Variants in VWA2 observed in about 807,000 individuals in gnomAD.
VWA2 encodes von Willebrand factor A domain-containing protein 2.
In VWA2, 73 loss-of-function variants were observed where a neutral mutation model predicts 70.4. That is an observed-to-expected ratio of 1.04 (90% confidence interval 0.86 to 1.26). VWA2 has a LOEUF of 1.26. VWA2 is among the 50% of genes most tolerant of loss of function. VWA2 has a pLI of 0.00. For synonymous variants in VWA2, 407 were observed against 423.3 expected (o/e 0.96, Z 0.47); for missense variants, 1,011 against 998.5 (o/e 1.01, Z -0.17).
chr10:114,248,310 C>T (rs2037117138), intron 1 of VWA2, among the ~76,000 whole-genome samples: 1 of 152,098 alleles, frequency 6.6e-6, no homozygotes, highest in Non-Finnish European at 1.5e-5. Context: ...TCTAACTCCT[C>T]ATGAAGAAAT....
intron 7 of VWA2, 25 bp from the exon 8 acceptor site, chr10:114,278,694 G>A (rs1372977589): frequency 6.2e-7 from 1 of 1,612,978 alleles, no homozygotes; most frequent in Non-Finnish European, 8.5e-7. Context: ...TCCTCCGTGG[G>A]TGTGGGTGTG....
At chr10:114,261,607 C>T (rs1458642366) in intron 5 of VWA2, among the ~76,000 whole-genome samples, 1 of 152,190 alleles carries the variant, frequency 6.6e-6, no homozygotes, top group African/African-American at 2.4e-5. Flanking sequence ...ATAGGAGGAA[C>T]ACTGAGTCTT....
intron 5 of VWA2, among the ~76,000 whole-genome samples, chr10:114,268,250 C>A (rs1393904647): frequency 9.1e-6 from 1 of 109,350 alleles, no homozygotes; most frequent in African/African-American, 3.5e-5. Context: ...CACCCCCCAC[C>A]CCCAAAAGTT....
rs2039778477 is a variant in VWA2 at position 114,293,376 on chromosome 10, G to T, written c.*2139G>T. 6.6e-6 allele frequency among the ~76,000 whole-genome samples: 1 copy of T among 152,158 alleles called. No homozygotes were observed. Among genetic ancestry groups the T allele is most frequent in the African/African-American group, 2.4e-5 (1 of 41,432 alleles). On this transcript the variant is annotated 3_prime_UTR_variant, in exon 14 of 14. Coordinates refer to ENST00000392982, the MANE Select transcript of VWA2 (RefSeq NM_001272046.2). ...TGTCTTGTTCCGGGCTGGTATTTGG[G>T]TGCCCTGATTGAATTACTTGGATTT...
At chr10:114,258,745 T>C (rs2037382264) in intron 4 of VWA2, among the ~76,000 whole-genome samples, 1 of 152,226 alleles carries the variant, frequency 6.6e-6, no homozygotes. Flanking sequence ...TCAACTTGTG[T>C]TCTTGAGTCC....
At chr10:114,260,514 G>T (rs2037423077) in intron 4 of VWA2, among the ~76,000 whole-genome samples, 1 of 152,194 alleles carries the variant, frequency 6.6e-6, no homozygotes, top group African/African-American at 2.4e-5. Context: ...ACCGGGTTGT[G>T]GGGTGGCTGT....
At chr10:114,253,501 G>C in intron 2 of VWA2, 150 bp from the exon 3 acceptor site, 1 of 681,166 alleles carries the variant, frequency 1.5e-6, no homozygotes, top group Non-Finnish European at 2.6e-6. Flanking sequence ...TATGTTATCC[G>C]TCTGGTAATT....
At chr10:114,260,183 C>G (rs1484732731) in intron 4 of VWA2, among the ~76,000 whole-genome samples, 1 of 152,148 alleles carries the variant, frequency 6.6e-6, no homozygotes, top group Non-Finnish European at 1.5e-5. Context: ...AGGCCTTGGG[C>G]CCTCGGGAGG....
rs753352965 is a variant in VWA2, at chr10:114,290,224, G to A, written c.2123-16G>A. The A allele has an allele frequency of 2.0e-4, 309 of 1,550,192 alleles. No homozygotes were observed. The highest frequency in any genetic ancestry group is 2.4e-4 in the Non-Finnish European group (274 of 1,146,800). The stretch of plus-strand genomic sequence containing the variant: ...ATGCCTGGCCGGCCTGGTGGGTATG[G>A]TGTTCTCCATTGTAGAAGCCAAGCA... On this transcript the variant is annotated splice_polypyrimidine_tract_variant and intron_variant, in intron 12 of 13. Coordinates refer to ENST00000392982, the MANE Select transcript of VWA2 (RefSeq NM_001272046.2).
intron 1 of VWA2, among the ~76,000 whole-genome samples, chr10:114,247,600 A>AT (rs1027869319): frequency 4.0e-4 from 60 of 151,862 alleles, no homozygotes; most frequent in Non-Finnish European, 5.4e-4. Context: ...CGAAGGGCTT[A>AT]TTTTTTAAAA....
At chr10:114,282,015 A>G (rs1209840319) in intron 8 of VWA2, among the ~76,000 whole-genome samples, 2 of 52,648 alleles carry the variant, frequency 3.8e-5, no homozygotes, top group Admixed American at 1.9e-4. Context: ...AGCTTATGTT[A>G]CCTTTTTTTT....
At chr10:114,247,657 CTA>C (rs1171590981) in intron 1 of VWA2, among the ~76,000 whole-genome samples, 2 of 150,314 alleles carry the variant, frequency 1.3e-5, no homozygotes, top group African/African-American at 4.9e-5. Context: ...ATGCAAATAA[CTA>C]TGTCAAAAAA....
chr10:114,291,099 G>T, intron 13 of VWA2, 119 bp from the exon 14 acceptor site: 1 of 1,200,950 alleles, frequency 8.3e-7, no homozygotes, highest in Non-Finnish European at 1.2e-6. Context: ...GGCATCTTCT[G>T]CTGGGGGCGA....
chr10:114,240,411 G>A (rs183273584), intron 1 of VWA2, among the ~76,000 whole-genome samples: 21 of 152,346 alleles, frequency 1.4e-4, no homozygotes, highest in African/African-American at 5.1e-4. Context: ...CTTGCTGCTT[G>A]TGATTGTGGA....
At chr10:114,278,603 C>G in intron 7 of VWA2, 116 bp from the exon 8 acceptor site, 1 of 1,481,932 alleles carries the variant, frequency 6.7e-7, no homozygotes, top group African/African-American at 1.4e-5. Flanking sequence ...AAGTGGCCAG[C>G]CTGGAAGTGT....
chr10:114,289,611 G>A, intron 12 of VWA2, 122 bp downstream of exon 12: 9 of 1,141,940 alleles, frequency 7.9e-6, no homozygotes, highest in East Asian at 2.4e-5. Context: ...CTTCCCAAGT[G>A]CCAGGTTCTG....
intron 8 of VWA2, chr10:114,281,103 G>A (rs2038076857): frequency 6.6e-6 from 1 of 152,200 alleles, no homozygotes. Flanking sequence ...TTTTACCCCA[G>A]GGAAGACCCT....
chr10:114,268,820 G>T (rs1358953618), intron 5 of VWA2, among the ~76,000 whole-genome samples: 1 of 151,812 alleles, frequency 6.6e-6, no homozygotes, highest in Non-Finnish European at 1.5e-5. Flanking sequence ...TCAGCCTCCC[G>T]AGTAGCTGGG....
chr10:114,266,965 G>GT (rs1308799317), intron 5 of VWA2, among the ~76,000 whole-genome samples: 1 of 151,732 alleles, frequency 6.6e-6, no homozygotes, highest in East Asian at 1.9e-4. Flanking sequence ...CATGTTGATT[G>GT]TTTTTAATGA....
Sources: gnomAD v4.1 joint callset for allele counts (sites outside exome capture counted in the v4.1 genomes callset) on GRCh38, gnomAD v4.1.1 for gene constraint, MANE v1.5 for transcripts, NCBI Gene and HGNC (gene_info 2026-07-23, HGNC 2026-07-21) for gene names.